DNAH11: variants seen among roughly 807,000 people sequenced by gnomAD.
DNAH11 encodes axonemal beta dynein heavy chain 11.
A neutral mutation model predicts 526.0 loss-of-function variants in DNAH11; 442 were observed. The observed-to-expected ratio is 0.84, with a 90% CI of 0.78 to 0.91. DNAH11 has a LOEUF of 0.91. Ranked by LOEUF, DNAH11 falls within the 40% of genes least tolerant of loss-of-function variation. The pLI is 0.00. For synonymous variants in DNAH11, 2,461 were observed against 1,935.9 expected (o/e 1.27, Z -7.12); for missense variants, 6,989 against 5,448.7 (o/e 1.28, Z -8.90).
intron 25 of DNAH11, among the ~76,000 whole-genome samples, chr7:21,621,066 T>C (rs183240226): frequency 0.027 from 4,075 of 152,106 alleles, 178 homozygotes; most frequent in African/African-American, 0.092. Context: ...TTATAATCCT[T>C]TGGGTGTATA....
intron 40 of DNAH11, among the ~76,000 whole-genome samples, chr7:21,709,069 T>G (rs1320503577): frequency 6.6e-6 from 1 of 152,162 alleles, no homozygotes. Context: ...AGCAATCCCA[T>G]TACTGGGTAT....
chr7:21,552,341 T>C (rs757277415), intron 2 of DNAH11, among the ~76,000 whole-genome samples: 1 of 152,212 alleles, frequency 6.6e-6, no homozygotes, highest in Non-Finnish European at 1.5e-5. Context: ...TTACATACAG[T>C]AGCCAGTTAA....
chr7:21,840,636 G>T (rs1725698434), intron 65 of DNAH11, among the ~76,000 whole-genome samples: 1 of 152,044 alleles, frequency 6.6e-6, no homozygotes, highest in Admixed American at 6.5e-5. Context: ...CTCATAGCAG[G>T]TTCCTAGCAG....
At chr7:21,857,862 AAGAG>A (rs1239324961) in intron 68 of DNAH11, among the ~76,000 whole-genome samples, 2 of 152,204 alleles carry the variant, frequency 1.3e-5, no homozygotes, top group African/African-American at 4.8e-5. Flanking sequence ...GGAGAAAAAT[AAGAG>A]AGGGCTTTGG....
Position 21,807,893 on chromosome 7 carries a change from C to A in DNAH11, c.10176C>A (p.Arg3392=). The A allele has an allele frequency of 6.3e-7, 1 of 1,593,992 alleles. No individual in the cohort carries two copies. Among genetic ancestry groups the A allele is most frequent in the Non-Finnish European group, 8.6e-7 (1 of 1,164,488 alleles). ...LVKELEAKKI[R]WGQSIKSFEA... Reference sequence around the variant, plus strand: ...TCATCTTTCAGTCAGAGAAGATTCGCTGGGGTCAATCCATTAAGTCCTTTG... The same window carrying A: ...TCATCTTTCAGTCAGAGAAGATTCGATGGGGTCAATCCATTAAGTCCTTTG... The change falls in exon 63 of 82, where the codon CGC becomes CGA. Residue 3392 remains arginine, a synonymous_variant. Coordinates refer to ENST00000409508, the MANE Select transcript of DNAH11 (RefSeq NM_001277115.2).
At chr7:21,715,057 T>C (rs1446610273) in intron 42 of DNAH11, among the ~76,000 whole-genome samples, 1 of 152,238 alleles carries the variant, frequency 6.6e-6, no homozygotes, top group Non-Finnish European at 1.5e-5. Flanking sequence ...TGTATATGCT[T>C]ACAAACATGC....
chr7:21,678,190 A>AT (rs1310267370), intron 30 of DNAH11, among the ~76,000 whole-genome samples: 1 of 149,746 alleles, frequency 6.7e-6, no homozygotes, highest in Non-Finnish European at 1.5e-5. Flanking sequence ...TTTTTAAGGA[A>AT]TTTTACAGTT....
intron 23 of DNAH11, chr7:21,618,069 A>C: frequency 4.1e-6 from 1 of 241,922 alleles, no homozygotes; most frequent in Non-Finnish European, 7.9e-6. Context: ...TGCACAACTA[A>C]TCAGGGTGGC....
chr7:21,900,601 TAGTCCCTACCA>T (rs912296169), intron 81 of DNAH11, among the ~76,000 whole-genome samples: 2 of 152,208 alleles, frequency 1.3e-5, no homozygotes, highest in African/African-American at 4.8e-5. Context: ...ACAGGACACT[TAGTCCCTACCA>T]AGATGTTCCT....
chr7:21,727,112 T>C (rs1785155472), intron 45 of DNAH11, among the ~76,000 whole-genome samples: 2 of 151,048 alleles, frequency 1.3e-5, no homozygotes, highest in South Asian at 4.2e-4. Flanking sequence ...GTTTTGTATT[T>C]TTAGTAGAGA....
rs752229419 is a variant in DNAH11 at position 21,558,894 on chromosome 7, AAAG to A, written c.593_595del (p.Lys198del). ...TGGAATATCACATAGAAGTCATGAA[AAAG>A]AAGATGTATATTTTTAGGGGCAAAA... On this transcript the variant is annotated inframe_deletion, in exon 3 of 82. Transcript: ENST00000409508. The A allele has an allele frequency of 5.0e-5, 81 of 1,606,236 alleles. No homozygotes were observed. Among genetic ancestry groups the A allele is most frequent in the Non-Finnish European group, 6.7e-5 (79 of 1,176,086 alleles).
chr7:21,617,902 G>A (rs1389164473), intron 23 of DNAH11, 125 bp downstream of exon 23: 1 of 1,062,024 alleles, frequency 9.4e-7, no homozygotes, highest in African/African-American at 1.6e-5. Context: ...TCTACTTGCT[G>A]TGTTATGCCT....
chr7:21,898,085 C>G (rs1227239572), intron 79 of DNAH11, among the ~76,000 whole-genome samples: 1 of 152,082 alleles, frequency 6.6e-6, no homozygotes, highest in Non-Finnish European at 1.5e-5. Flanking sequence ...TATTTCCTAC[C>G]TGATCCCTTC....
intron 25 of DNAH11, among the ~76,000 whole-genome samples, chr7:21,622,738 A>G (rs1339076796): frequency 3.9e-5 from 6 of 152,196 alleles, no homozygotes; most frequent in Non-Finnish European, 7.3e-5. Flanking sequence ...CATTTAATAA[A>G]TGGTGCTGGG....
At chr7:21,734,442 G>A (rs1300890845) in intron 45 of DNAH11, among the ~76,000 whole-genome samples, 2 of 152,238 alleles carry the variant, frequency 1.3e-5, no homozygotes. Flanking sequence ...TTTTTAAAGA[G>A]TTGTCTAGGA....
intron 65 of DNAH11, among the ~76,000 whole-genome samples, chr7:21,830,431 T>A (rs1790502002): frequency 6.6e-6 from 1 of 152,218 alleles, no homozygotes; most frequent in Admixed American, 6.5e-5. Flanking sequence ...CTGAACTGTG[T>A]CTGTTGTTTT....
chr7:21,871,610 T>C (rs866177780), intron 73 of DNAH11, among the ~76,000 whole-genome samples: 1 of 152,228 alleles, frequency 6.6e-6, no homozygotes, highest in Non-Finnish European at 1.5e-5. Flanking sequence ...TATTATTGTT[T>C]CTGTTGTTTT....
intron 57 of DNAH11, among the ~76,000 whole-genome samples, chr7:21,780,811 C>T (rs1787909416): frequency 6.6e-6 from 1 of 152,086 alleles, no homozygotes; most frequent in East Asian, 1.9e-4. Context: ...ATATTAACAT[C>T]TATTTTGTCA....
At chr7:21,841,807 C>T (rs967672556) in intron 65 of DNAH11, among the ~76,000 whole-genome samples, 2 of 152,146 alleles carry the variant, frequency 1.3e-5, no homozygotes, top group African/African-American at 2.4e-5. Context: ...TACAAATGCA[C>T]GACACTGAAC....
Sources: gnomAD v4.1 joint callset for allele counts (sites outside exome capture counted in the v4.1 genomes callset) on GRCh38, gnomAD v4.1.1 for gene constraint, MANE v1.5 for transcripts, NCBI Gene and HGNC (gene_info 2026-07-23, HGNC 2026-07-21) for gene names.